The following PLEKHA5 variants were observed in gnomAD, a reference collection of about 807,000 sequenced individuals.
The protein encoded by PLEKHA5 is pleckstrin homology domain containing A5.
In PLEKHA5, 55 loss-of-function variants were observed where a neutral mutation model predicts 181.9. That is an observed-to-expected ratio of 0.30 (90% CI 0.24 to 0.38). The LOEUF (loss-of-function observed/expected upper bound fraction) is 0.38. PLEKHA5 is among the 10% of genes least tolerant of loss of function. The probability of loss-of-function intolerance (pLI) is 1.00; values close to 1 mark genes in which losing one functional copy is unlikely to be tolerated. For missense variants in PLEKHA5, 1,432 were observed against 1,549.5 expected (o/e 0.92, Z 1.27); for synonymous variants, 535 against 529.4 (o/e 1.01, Z -0.15).
intron 3 of PLEKHA5, among the ~76,000 whole-genome samples, chr12:19,142,219 A>T (rs1362407367): frequency 6.6e-6 from 1 of 152,094 alleles, no homozygotes; most frequent in Non-Finnish European, 1.5e-5. Context: ...TGTTTTTTTA[A>T]TTAGCTGGTC....
intron 3 of PLEKHA5, among the ~76,000 whole-genome samples, chr12:19,193,187 G>A (rs1322942933): frequency 6.6e-6 from 1 of 152,154 alleles, no homozygotes; most frequent in East Asian, 1.9e-4. Context: ...ATAAGAGGGT[G>A]CAATGTTAAT....
Position 19,135,503 on chromosome 12 carries a change from G to T in PLEKHA5, c.227+3053G>T, listed in dbSNP as rs551340141. Reference sequence around the variant, plus strand: ...CAAGCAGAGATGATGCGGGAAATATGGAAAGCTAGCTTTTCTATCCTTCTT... The same window carrying T: ...CAAGCAGAGATGATGCGGGAAATATTGAAAGCTAGCTTTTCTATCCTTCTT... On this transcript the variant is annotated intron_variant, in intron 3 of 31. Transcript: ENST00000429027. Among the ~76,000 whole-genome samples, 26 of 152,230 alleles carry T rather than the reference G, an allele frequency of 1.7e-4. No homozygotes were observed. In the East Asian group the frequency reaches 4.8e-3, roughly 28 times the overall value.
Position 19,265,944 on chromosome 12 carries a change from A to G in PLEKHA5, c.711+94A>G, listed in dbSNP as rs2070211338. On this transcript the variant is annotated intron_variant, in intron 8 of 31. Coordinates refer to ENST00000429027, the MANE Select transcript of PLEKHA5 (RefSeq NM_001256470.2). ...TAGATTATTACAAAAAAGCTACCTT[A>G]TAGTGATTTTTATATTTAAAATATA... 4 of 571,978 alleles carry G rather than the reference A, an allele frequency of 7.0e-6. No individual in the cohort carries two copies. In the East Asian group the frequency reaches 9.0e-5, roughly 13 times the overall value. The allele number at this position is 571,978 out of a possible 1,614,324, so 35.4% of individuals were successfully genotyped here. A position where few individuals can be genotyped will look rare whatever the true frequency, so the allele number is the denominator to read the frequency against.
chr12:19,169,209 T>C (rs2045318837), intron 3 of PLEKHA5, among the ~76,000 whole-genome samples: 1 of 152,126 alleles, frequency 6.6e-6, no homozygotes, highest in African/African-American at 2.4e-5. Flanking sequence ...TGTTGAGTTT[T>C]AATATTTGAA....
chr12:19,277,147 A>G (rs914470523), intron 11 of PLEKHA5, among the ~76,000 whole-genome samples: 2 of 147,974 alleles, frequency 1.4e-5, no homozygotes, highest in African/African-American at 5.0e-5. Flanking sequence ...AGCAGGAAGC[A>G]GGTCTGGGGG....
At chr12:19,208,268 C>G (rs1037002705) in intron 3 of PLEKHA5, among the ~76,000 whole-genome samples, 3 of 140,948 alleles carry the variant, frequency 2.1e-5, no homozygotes, top group African/African-American at 7.7e-5. Context: ...AATTAGCTGG[C>G]ATGGTGGAAG....
chr12:19,304,707 C>A (rs1403198109), intron 15 of PLEKHA5, among the ~76,000 whole-genome samples: 2 of 151,644 alleles, frequency 1.3e-5, no homozygotes, highest in Non-Finnish European at 2.9e-5. Flanking sequence ...AGGGCCCAGA[C>A]CTGTAAAGGT....
At chr12:19,233,171 A>G (rs886082884) in intron 3 of PLEKHA5, among the ~76,000 whole-genome samples, 3 of 152,148 alleles carry the variant, frequency 2.0e-5, no homozygotes, top group African/African-American at 4.8e-5. Flanking sequence ...TCTTTTTTTA[A>G]GTCATGAACA....
At chr12:19,278,255 T>C (rs1293006114) in intron 11 of PLEKHA5, among the ~76,000 whole-genome samples, 1 of 152,190 alleles carries the variant, frequency 6.6e-6, no homozygotes, top group African/African-American at 2.4e-5. Context: ...CTGCTGTTAA[T>C]GATCATATGA....
intron 3 of PLEKHA5, among the ~76,000 whole-genome samples, chr12:19,189,925 T>C (rs1302702558): frequency 6.6e-6 from 1 of 152,230 alleles, no homozygotes; most frequent in Non-Finnish European, 1.5e-5. Flanking sequence ...CCCCACTTTC[T>C]ATTCTTGATC....
intron 29 of PLEKHA5, among the ~76,000 whole-genome samples, chr12:19,362,248 A>G (rs968860745): frequency 2.7e-5 from 4 of 150,728 alleles, no homozygotes; most frequent in Admixed American, 6.7e-5. Context: ...ACGAAAACAC[A>G]TGTGGCCAGG....
At chr12:19,227,779 C>T (rs1321307510) in intron 3 of PLEKHA5, among the ~76,000 whole-genome samples, 5 of 152,108 alleles carry the variant, frequency 3.3e-5, no homozygotes, top group African/African-American at 7.2e-5. Flanking sequence ...TAGCAATGAC[C>T]GATCTCTGCC....
intron 16 of PLEKHA5, among the ~76,000 whole-genome samples, chr12:19,316,716 T>G (rs1171128480): frequency 6.6e-6 from 1 of 152,160 alleles, no homozygotes; most frequent in African/African-American, 2.4e-5. Flanking sequence ...ACTTAATTAT[T>G]AAGCAGGGCA....
chr12:19,244,560 A>G (rs1224346748), intron 3 of PLEKHA5, among the ~76,000 whole-genome samples: 1 of 152,224 alleles, frequency 6.6e-6, no homozygotes, highest in African/African-American at 2.4e-5. Context: ...AAGAATTGCC[A>G]AATGGCAGCT....
chr12:19,251,038 GTAAC>G (rs1211042648), intron 3 of PLEKHA5, among the ~76,000 whole-genome samples: 7 of 152,264 alleles, frequency 4.6e-5, no homozygotes, highest in African/African-American at 9.6e-5. Flanking sequence ...GCTTGTGAAA[GTAAC>G]TGAGTGTTGA....
At chr12:19,269,968 T>C (rs2072074163) in intron 9 of PLEKHA5, 83 bp downstream of exon 9, 2 of 749,962 alleles carry the variant, frequency 2.7e-6, no homozygotes, top group Non-Finnish European at 4.5e-6. Flanking sequence ...TCATAGTACA[T>C]ATCATTTTAA....
chr12:19,354,774 G>A (rs192908297), intron 26 of PLEKHA5, among the ~76,000 whole-genome samples: 3 of 152,222 alleles, frequency 2.0e-5, no homozygotes, highest in South Asian at 2.1e-4. Context: ...GAGCCACCGC[G>A]CCCGGCCTTA....
intron 15 of PLEKHA5, chr12:19,306,688 C>T (rs1565595654): frequency 6.8e-7 from 1 of 1,471,416 alleles, no homozygotes; most frequent in Non-Finnish European, 9.5e-7. Flanking sequence ...TGAGCAGATG[C>T]GGACTCTCTT....
intron 20 of PLEKHA5, among the ~76,000 whole-genome samples, chr12:19,327,657 T>C (rs1414865220): frequency 1.4e-5 from 2 of 140,132 alleles, no homozygotes; most frequent in Non-Finnish European, 3.1e-5. Context: ...TTTTTTTTTT[T>C]TTTCTGAGAC....
Sources: gnomAD v4.1 joint callset for allele counts (sites outside exome capture counted in the v4.1 genomes callset) on GRCh38, gnomAD v4.1.1 for gene constraint, MANE v1.5 for transcripts, NCBI Gene and HGNC (gene_info 2026-07-23, HGNC 2026-07-21) for gene names.